Variants in CDH6 observed in about 807,000 individuals in gnomAD.
CDH6 encodes the protein cadherin 6.
Under a neutral mutation model 78.0 loss-of-function variants are expected in CDH6, and 31 were observed. The ratio of observed to expected loss-of-function variants is 0.40; its 90% CI spans 0.30 to 0.54. CDH6 has a LOEUF of 0.54. Ranked by LOEUF, CDH6 falls within the 20% of genes least tolerant of loss-of-function variation. The probability of loss-of-function intolerance (pLI) is 0.56; values close to 1 mark genes in which losing one functional copy is unlikely to be tolerated. For missense variants in CDH6, 724 were observed against 975.9 expected (o/e 0.74, Z 3.44); for synonymous variants, 376 against 368.8 (o/e 1.02, Z -0.23).
chr5:31,259,407 C>T (rs746497431), intron 1 of CDH6, among the ~76,000 whole-genome samples: 16 of 152,174 alleles, frequency 1.1e-4, no homozygotes, highest in South Asian at 2.1e-4. Context: ...AGCTGCCAGC[C>T]AATACTCTCT....
intron 11 of CDH6, among the ~76,000 whole-genome samples, chr5:31,321,849 G>T (rs1433592927): frequency 2.0e-5 from 3 of 151,976 alleles, no homozygotes; most frequent in Non-Finnish European, 2.9e-5. Flanking sequence ...TCACTTTTTG[G>T]CCTAGATGGC....
At chr5:31,299,236 T>C (rs918507473) in intron 4 of CDH6, among the ~76,000 whole-genome samples, 1 of 152,192 alleles carries the variant, frequency 6.6e-6, no homozygotes, top group African/African-American at 2.4e-5. Context: ...GACTTGTACT[T>C]ATTTTTATTC....
Position 31,275,925 on chromosome 5 carries a change from CA to C in CDH6, c.228+8229del, listed in dbSNP as rs564597882. On this transcript the variant is annotated intron_variant, in intron 2 of 11. Coordinates refer to ENST00000265071, the MANE Select transcript of CDH6 (RefSeq NM_004932.4). ...TTCCTTATGTTCCACCCACATTTACCAAAAATAAACAGACATACGGGAGGGG... is the reference window on the plus strand; with the variant it reads ...TTCCTTATGTTCCACCCACATTTACCAAAATAAACAGACATACGGGAGGGG... 1.8e-4 allele frequency among the ~76,000 whole-genome samples: 28 copies of C among 152,210 alleles called. 1 individual carries two copies. The South Asian group carries it at 5.8e-3, about 32-fold the overall frequency.
In CDH6 at chr5:31,326,574, CT is replaced by C; in HGVS notation, c.*3270del. On this transcript the variant is annotated 3_prime_UTR_variant, in exon 12 of 12. Transcript: ENST00000265071. ...GGATGTTCAGCAATGAAATTACTCCCTTTTCAGATGGAACAAAACCTGCCCA... is the reference window on the plus strand; with the variant it reads ...GGATGTTCAGCAATGAAATTACTCCCTTTCAGATGGAACAAAACCTGCCCA... 1 of 189,586 alleles carries C rather than the reference CT, an allele frequency of 5.3e-6. No individual in the cohort carries two copies. Among genetic ancestry groups the C allele is most frequent in the Non-Finnish European group, 1.1e-5 (1 of 90,330 alleles). 11.7% of individuals were successfully genotyped at this position (189,586 alleles called of 1,614,324 possible).
chr5:31,319,633 T>C (rs1162457777), intron 11 of CDH6, among the ~76,000 whole-genome samples: 1 of 152,192 alleles, frequency 6.6e-6, no homozygotes, highest in East Asian at 1.9e-4. Flanking sequence ...TTTTCAAACT[T>C]ATGAAATGCA....
intron 1 of CDH6, among the ~76,000 whole-genome samples, chr5:31,255,015 T>TA (rs1343832439): frequency 6.6e-6 from 1 of 152,226 alleles, no homozygotes; most frequent in South Asian, 2.1e-4. Context: ...CTCTTTCTAT[T>TA]AAAAAATATT....
At position 31,323,328 on chromosome 5, in the gene CDH6, T is replaced by C; in HGVS notation, c.*20T>C. On this transcript the variant is annotated 3_prime_UTR_variant, in exon 12 of 12. Coordinates refer to ENST00000265071, the MANE Select transcript of CDH6 (RefSeq NM_004932.4). ...TCCTAATCTGTTGCCTTTTTCATTT[T>C]CCAATACGACACTGAAATATGTGAA... 2 of 1,593,020 alleles carry C rather than the reference T, an allele frequency of 1.3e-6. No individual in the cohort carries two copies. Among genetic ancestry groups the C allele is most frequent in the South Asian group, 1.1e-5 (1 of 89,782 alleles).
chr5:31,225,109 T>C (rs1741112831), intron 1 of CDH6, among the ~76,000 whole-genome samples: 1 of 152,166 alleles, frequency 6.6e-6, no homozygotes, highest in African/African-American at 2.4e-5. Context: ...CAAAGAATGG[T>C]CTGGCCCAAA....
At chr5:31,225,551 G>A (rs1386387401) in intron 1 of CDH6, among the ~76,000 whole-genome samples, 2 of 152,124 alleles carry the variant, frequency 1.3e-5, no homozygotes, top group African/African-American at 2.4e-5. Context: ...GGTGGTTGGC[G>A]AAGGGGAAGC....
At chr5:31,302,775 AGAAAGAGAGAG>A (rs1354008423) in intron 6 of CDH6, among the ~76,000 whole-genome samples, 20,707 of 88,102 alleles carry the variant, frequency 0.24, 3,505 homozygotes, top group Non-Finnish European at 0.26. Flanking sequence ...GAAAGAAAGA[AGAAAGAGAGAG>A]AGAGAGAGAG....
At chr5:31,256,452 T>C (rs920551749) in intron 1 of CDH6, among the ~76,000 whole-genome samples, 4 of 152,224 alleles carry the variant, frequency 2.6e-5, no homozygotes, top group Non-Finnish European at 1.5e-5. Flanking sequence ...ACTTGTGCTT[T>C]TGTAAAAGAA....
At chr5:31,202,554 G>T (rs11957384) in intron 1 of CDH6, among the ~76,000 whole-genome samples, 113,808 of 151,688 alleles carry the variant, frequency 0.75, 42,787 homozygotes, top group Middle Eastern at 0.9. Flanking sequence ...GAGAATCGCT[G>T]GAACCCAGGA....
At position 31,297,588 on chromosome 5, in the gene CDH6, A is replaced by G. The variant is rs1287873636; in HGVS notation, c.643+180A>G. On this transcript the variant is annotated intron_variant, in intron 4 of 11. Coordinates refer to ENST00000265071, the MANE Select transcript of CDH6 (RefSeq NM_004932.4). Reference sequence around the variant, plus strand: ...ATAATTTTAATCAAAAAATCTGGCAATGAATCTTTCACCCACCCTTTCTAT... The same window carrying G: ...ATAATTTTAATCAAAAAATCTGGCAGTGAATCTTTCACCCACCCTTTCTAT... 4.6e-5 allele frequency among the ~76,000 whole-genome samples: 7 copies of G among 152,228 alleles called. No homozygotes were observed. The East Asian group carries it at 1.3e-3, about 29-fold the overall frequency.
At chr5:31,248,448 C>T (rs565742757) in intron 1 of CDH6, among the ~76,000 whole-genome samples, 7 of 152,192 alleles carry the variant, frequency 4.6e-5, no homozygotes, top group South Asian at 2.1e-4. Context: ...TTACTCAACA[C>T]GATGAAAGTT....
intron 1 of CDH6, chr5:31,250,209 T>C (rs1327510131): frequency 6.6e-6 from 1 of 152,256 alleles, no homozygotes; most frequent in Non-Finnish European, 1.5e-5. Context: ...GACTTGTGAA[T>C]TCCCTGGCAG....
intron 4 of CDH6, among the ~76,000 whole-genome samples, chr5:31,297,957 C>A (rs1285797914): frequency 6.6e-6 from 1 of 152,142 alleles, no homozygotes; most frequent in East Asian, 1.9e-4. Flanking sequence ...GTATGGTGAA[C>A]AAAGCTACCT....
intron 2 of CDH6, among the ~76,000 whole-genome samples, chr5:31,278,444 T>A (rs530987474): frequency 5.9e-5 from 9 of 152,340 alleles, no homozygotes; most frequent in African/African-American, 2.2e-4. Context: ...TCATGAAAGC[T>A]GGTTCCTTTG....
In CDH6 at chr5:31,267,509, G is replaced by A; in HGVS notation, c.36G>A (p.Trp12Ter). The part of the protein sequence containing the change: ...RTYRYFLLLF[W>*]VGQPYPTLST... Reference sequence around the variant, plus strand: ...ACCGCTACTTCTTGCTGCTCTTTTGGGTGGGCCAGCCCTACCCAACTCTCT... The same window carrying A: ...ACCGCTACTTCTTGCTGCTCTTTTGAGTGGGCCAGCCCTACCCAACTCTCT... The change falls in exon 2 of 12, where the codon TGG becomes TGA. Residue 12 changes from tryptophan (W) to a stop codon, truncating the protein, a stop_gained. Transcript: ENST00000265071. LOFTEE classifies it high-confidence loss of function. The A allele has an allele frequency of 6.2e-7, 1 of 1,613,984 alleles. No homozygotes were observed. Among genetic ancestry groups the A allele is most frequent in the Non-Finnish European group, 8.5e-7 (1 of 1,179,998 alleles).
chr5:31,228,588 T>A (rs567125532), intron 1 of CDH6, among the ~76,000 whole-genome samples: 2 of 152,318 alleles, frequency 1.3e-5, no homozygotes, highest in African/African-American at 4.8e-5. Flanking sequence ...AAGAAAATTT[T>A]TCCACAGATG....
Sources: gnomAD v4.1 joint callset for allele counts (sites outside exome capture counted in the v4.1 genomes callset) on GRCh38, gnomAD v4.1.1 for gene constraint, MANE v1.5 for transcripts, NCBI Gene and HGNC (gene_info 2026-07-23, HGNC 2026-07-21) for gene names.